The following MYCT1 variants were observed in gnomAD, a reference collection of about 807,000 sequenced individuals.
The protein encoded by MYCT1 is MYC target 1.
In MYCT1, 12 loss-of-function variants were observed where a neutral mutation model predicts 15.0. The ratio of observed to expected loss-of-function variants is 0.80; its 90% CI spans 0.51 to 1.29. MYCT1 has a LOEUF of 1.29. MYCT1 is among the 50% of genes most tolerant of loss of function. MYCT1 has a pLI of 0.00. For missense variants in MYCT1, 287 were observed against 279.1 expected (o/e 1.03, Z -0.20); for synonymous variants, 104 against 102.7 (o/e 1.01, Z -0.07).
the MYCT1 span, among the ~76,000 whole-genome samples, chr6:152,745,453 A>T: frequency 5.9e-5 from 9 of 152,142 alleles, no homozygotes; most frequent in African/African-American, 1.9e-4. Flanking sequence ...ACAGAGACAG[A>T]CTCCAAGTCT....
At chr6:152,714,981 T>C (rs2129069804) in intron 1 of MYCT1, among the ~76,000 whole-genome samples, 1 of 152,026 alleles carries the variant, frequency 6.6e-6, no homozygotes. Flanking sequence ...GCTTAGGGAG[T>C]AGATCCTAGG....
intron 1 of MYCT1, chr6:152,706,185 A>T (rs2244202): frequency 0.73 from 714,227 of 976,898 alleles, 264,293 homozygotes; most frequent in East Asian, 0.99. Context: ...CCCAAGGCAG[A>T]GTTCCTCACC....
chr6:152,746,155 G>T, the MYCT1 span, among the ~76,000 whole-genome samples: 2 of 152,168 alleles, frequency 1.3e-5, no homozygotes, highest in East Asian at 3.9e-4. Flanking sequence ...AAGGTTAAAA[G>T]CCAGAAATTA....
At chr6:152,707,032 G>A (rs1213989854) in intron 1 of MYCT1, among the ~76,000 whole-genome samples, 2 of 152,018 alleles carry the variant, frequency 1.3e-5, no homozygotes, top group Non-Finnish European at 2.9e-5. Flanking sequence ...CACCTGGAGG[G>A]ATTGCTGAAT....
At chr6:152,702,158 C>T (rs1413305143) in intron 1 of MYCT1, among the ~76,000 whole-genome samples, 1 of 152,138 alleles carries the variant, frequency 6.6e-6, no homozygotes, top group Non-Finnish European at 1.5e-5. Context: ...TTCTATATAG[C>T]TCTTCTCTTT....
intron 1 of MYCT1, among the ~76,000 whole-genome samples, chr6:152,719,017 A>G (rs2099724230): frequency 6.6e-6 from 1 of 152,178 alleles, no homozygotes; most frequent in Non-Finnish European, 1.5e-5. Context: ...TTGCCAATCA[A>G]TTATTACAAT....
At chr6:152,706,841 C>A (rs1431395416) in intron 1 of MYCT1, among the ~76,000 whole-genome samples, 1 of 126,222 alleles carries the variant, frequency 7.9e-6, no homozygotes, top group African/African-American at 3.5e-5. Context: ...ATTATAGAAA[C>A]CATATATGTG....
At chr6:152,728,817 C>A (rs1194250153), downstream of MYCT1, among the ~76,000 whole-genome samples, 6 of 152,178 alleles carry the variant, frequency 3.9e-5, no homozygotes, top group East Asian at 9.7e-4. Context: ...GAGGTGAGGG[C>A]ATAGCTTGAG....
In MYCT1 at chr6:152,722,915, T is replaced by G. The variant is rs9397552; in HGVS notation, c.*662T>G. 61,116 of 165,736 alleles carry G rather than the reference T, an allele frequency of 0.37. 11,884 individuals carry two copies. Among genetic ancestry groups the G allele is most frequent in the East Asian group, 0.47 (2,608 of 5,560 alleles). 10.3% of individuals were successfully genotyped at this position (165,736 alleles called of 1,614,324 possible). On this transcript the variant is annotated 3_prime_UTR_variant, in exon 2 of 2. Transcript: ENST00000367245. The stretch of plus-strand genomic sequence containing the variant: ...TACCACACCGGGTTGAATTTTTTTT[T>G]AATTTTAGTAGAGATGAAGTGTCAC...
At chr6:152,702,424 T>C (rs941429335) in intron 1 of MYCT1, among the ~76,000 whole-genome samples, 2 of 152,230 alleles carry the variant, frequency 1.3e-5, no homozygotes, top group African/African-American at 4.8e-5. Flanking sequence ...AATTTAAATG[T>C]GAAGTATTGA....
intron 1 of MYCT1, among the ~76,000 whole-genome samples, chr6:152,703,940 TTTTTATTTTATTTTA>T (rs200449869): frequency 0.1 from 12,497 of 122,846 alleles, 779 homozygotes; most frequent in Admixed American, 0.14. Flanking sequence ...TTTTCCCTGT[TTTTTATTTTATTTTA>T]TTTTATTTTA....
chr6:152,717,461 G>A (rs2099723888), intron 1 of MYCT1, among the ~76,000 whole-genome samples: 1 of 152,128 alleles, frequency 6.6e-6, no homozygotes, highest in South Asian at 2.1e-4. Flanking sequence ...ACATGTTGTG[G>A]GAGGGACCCG....
At chr6:152,706,236 G>A in intron 1 of MYCT1, 3 of 730,526 alleles carry the variant, frequency 4.1e-6, no homozygotes, top group South Asian at 2.8e-5. Flanking sequence ...TGAAGGAAAG[G>A]CTGGCTGATG....
chr6:152,739,403 A>T, the MYCT1 span, among the ~76,000 whole-genome samples: 1 of 151,764 alleles, frequency 6.6e-6, no homozygotes, highest in Non-Finnish European at 1.5e-5. Context: ...CTAGAGATAG[A>T]ATCATTGGTT....
In MYCT1 at chr6:152,708,851, TA is replaced by T. The variant is rs1412541755; in HGVS notation, c.196+10754del. On this transcript the variant is annotated intron_variant, in intron 1 of 1. Coordinates refer to ENST00000367245, the MANE Select transcript of MYCT1 (RefSeq NM_025107.3). ...ATTCTGTTTCACCTGAAAGAGTATT[TA>T]TTTTTTTATTTTTTTTTTTATTATA... Among the ~76,000 whole-genome samples the T allele has an allele frequency of 8.6e-5, 6 of 70,056 alleles. 2 individuals are homozygous for T. Among genetic ancestry groups the T allele is most frequent in the East Asian group, 8.2e-3 (2 of 244 alleles). 46.0% of individuals were successfully genotyped at this position (70,056 alleles called of 152,430 possible).
chr6:152,700,755 T>C (rs915667341), intron 1 of MYCT1, among the ~76,000 whole-genome samples: 1 of 152,222 alleles, frequency 6.6e-6, no homozygotes, highest in Non-Finnish European at 1.5e-5. Flanking sequence ...AACTCAGTTA[T>C]TCTCTCAGTA....
downstream of MYCT1, among the ~76,000 whole-genome samples, chr6:152,726,305 G>A (rs562600962): frequency 6.6e-6 from 1 of 151,862 alleles, no homozygotes; most frequent in East Asian, 1.9e-4. Context: ...GCTGAGGTAG[G>A]AGAATCGCTT....
chr6:152,708,815 G>C (rs1333257647), intron 1 of MYCT1, among the ~76,000 whole-genome samples: 1 of 151,826 alleles, frequency 6.6e-6, no homozygotes, highest in Non-Finnish European at 1.5e-5. Context: ...GTGTGCTGGT[G>C]ATTAATTTGA....
intron 1 of MYCT1, among the ~76,000 whole-genome samples, chr6:152,707,598 T>C (rs528604859): frequency 1.3e-5 from 2 of 150,372 alleles, no homozygotes; most frequent in African/African-American, 5.0e-5. Context: ...TTTTTCCCTA[T>C]GTTGTCCTCT....
Sources: gnomAD v4.1 joint callset for allele counts (sites outside exome capture counted in the v4.1 genomes callset) on GRCh38, gnomAD v4.1.1 for gene constraint, MANE v1.5 for transcripts, NCBI Gene and HGNC (gene_info 2026-07-23, HGNC 2026-07-21) for gene names.